Variants in MTERF4 observed in about 807,000 individuals in gnomAD.
The protein encoded by MTERF4 is mitochondrial transcription termination factor 4, also known as transcription termination factor 4, mitochondrial.
A neutral mutation model predicts 22.5 loss-of-function variants in MTERF4; 17 were observed. The ratio of observed to expected loss-of-function variants is 0.75; its 90% CI spans 0.52 to 1.13. The LOEUF (loss-of-function observed/expected upper bound fraction) is 1.13, where lower values mean the gene tolerates loss of function less well. Among genes scored for constraint, MTERF4 ranks in the 50% most tolerant of loss-of-function variants. MTERF4 has a pLI of 0.00. For missense variants in MTERF4, 420 were observed against 466.8 expected (o/e 0.90, Z 0.92); for synonymous variants, 165 against 175.3 (o/e 0.94, Z 0.47).
intron 4 of MTERF4, among the ~76,000 whole-genome samples, chr2:241,076,279 GTC>G (rs1205790651): frequency 6.6e-6 from 1 of 152,182 alleles, no homozygotes; most frequent in Non-Finnish European, 1.5e-5. Flanking sequence ...GACATGGGAT[GTC>G]TCTCCATATA....
downstream of MTERF4, chr2:241,071,540 C>T (rs2062717356): frequency 6.4e-7 from 1 of 1,562,608 alleles, no homozygotes; most frequent in African/African-American, 1.3e-5. Context: ...CAGAGGGCAG[C>T]CCCAGACCAG....
At chr2:241,069,667 AGGGCCTG>A (rs536658985), downstream of MTERF4, among the ~76,000 whole-genome samples, 198 of 152,204 alleles carry the variant, frequency 1.3e-3, 1 homozygote, top group African/African-American at 4.8e-3. The surrounding 1 kb of genome is among the most constrained non-coding windows in gnomAD (Gnocchi z 4.9). Flanking sequence ...CTGACGGGCC[AGGGCCTG>A]GGGGCTTCAC....
chr2:241,097,093 A>G, intron 3 of MTERF4, 150 bp downstream of exon 3: 1 of 870,168 alleles, frequency 1.1e-6, no homozygotes. Flanking sequence ...TTATCCATAT[A>G]ACTGACCTTC....
intron 4 of MTERF4, among the ~76,000 whole-genome samples, chr2:241,080,121 C>G (rs1320300587): frequency 6.6e-6 from 1 of 152,000 alleles, no homozygotes; most frequent in East Asian, 1.9e-4. Flanking sequence ...CCCGTCTCTA[C>G]TAAAATACAA....
At chr2:241,065,276 T>A in the MTERF4 span, 1 of 1,611,434 alleles carries the variant, frequency 6.2e-7, no homozygotes, top group Admixed American at 1.7e-5. Context: ...TCCCCTCCCC[T>A]TGTTTTGACC....
downstream of MTERF4, chr2:241,090,441 G>A (rs749283140): frequency 3.8e-5 from 58 of 1,541,722 alleles, no homozygotes; most frequent in Non-Finnish European, 5.1e-5. Flanking sequence ...TAAGTAGAAG[G>A]AGTACACTCT....
At chr2:241,070,260 T>C, downstream of MTERF4, 2 of 1,516,814 alleles carry the variant, frequency 1.3e-6, no homozygotes, top group Non-Finnish European at 1.8e-6. Flanking sequence ...CTCCACCCTG[T>C]TCAGGACTGA....
At chr2:241,100,985 A>G (rs965094219) in intron 1 of MTERF4, among the ~76,000 whole-genome samples, 3 of 152,222 alleles carry the variant, frequency 2.0e-5, no homozygotes, top group African/African-American at 7.2e-5. Flanking sequence ...CAAATCATCC[A>G]GGCACTCTAA....
downstream of MTERF4, chr2:241,090,430 A>C (rs1413785680): frequency 8.4e-6 from 13 of 1,547,094 alleles, no homozygotes; most frequent in South Asian, 1.1e-4. Context: ...ACTTTTTTTC[A>C]TAAGTAGAAG....
At chr2:241,086,908 G>A (rs1413239122), downstream of MTERF4, among the ~76,000 whole-genome samples, 1 of 152,246 alleles carries the variant, frequency 6.6e-6, no homozygotes, top group Non-Finnish European at 1.5e-5. Flanking sequence ...CTTGCTCAAA[G>A]TAGCCTGGTT....
Position 241,096,430 on chromosome 2 carries a change from G to A in MTERF4, c.714C>T (p.Tyr238=). ...CTGGATGCTTAATTCCCATCCTGAA[G>A]TATGCATACTGGAAGACACAAACAC... ...GQLEYKFQYA[Y]FRMGIKHPDI... The change falls in exon 4 of 4, where the codon TAC becomes TAT. Residue 238 remains tyrosine, a synonymous_variant. Transcript: ENST00000391980. The surrounding 1 kb of genome is among the most constrained non-coding windows in gnomAD (Gnocchi z 5.1). 1 of 1,613,826 alleles carries A rather than the reference G, an allele frequency of 6.2e-7. No homozygotes were observed. The highest frequency in any genetic ancestry group is 8.5e-7 in the Non-Finnish European group (1 of 1,179,948).
chr2:241,084,595 T>C (rs2063493587), downstream of MTERF4, among the ~76,000 whole-genome samples: 1 of 152,246 alleles, frequency 6.6e-6, no homozygotes, highest in Admixed American at 6.5e-5. Flanking sequence ...TATCAGACTT[T>C]TTCCTTCCAC....
chr2:241,060,414 C>T, the MTERF4 span, among the ~76,000 whole-genome samples: 3 of 152,300 alleles, frequency 2.0e-5, no homozygotes, highest in Admixed American at 2.0e-4. Flanking sequence ...AACTCCTGAC[C>T]TCTGGTGATC....
intron 1 of MTERF4, among the ~76,000 whole-genome samples, chr2:241,100,440 T>C (rs775305476): frequency 3.9e-5 from 6 of 152,162 alleles, no homozygotes; most frequent in Non-Finnish European, 7.4e-5. Context: ...TCTTAATGAA[T>C]AGTAAATACA....
At chr2:241,071,713 C>T (rs1481908241), downstream of MTERF4, 16 of 1,493,844 alleles carry the variant, frequency 1.1e-5, no homozygotes, top group Middle Eastern at 2.2e-4. Context: ...CCCCACCCAG[C>T]CCCCCAGGTA....
the MTERF4 span, chr2:241,049,809 G>T: frequency 3.9e-5 from 62 of 1,606,816 alleles, no homozygotes; most frequent in Non-Finnish European, 5.1e-5. Flanking sequence ...TCTGTCCCCC[G>T]CCCCCAGCCC....
chr2:241,044,266 T>C, the MTERF4 span, among the ~76,000 whole-genome samples: 3,787 of 152,302 alleles, frequency 0.025, 74 homozygotes, highest in Non-Finnish European at 0.042. Flanking sequence ...GATTGTCAAA[T>C]TGAATTGAAA....
chr2:241,073,612 TAG>T lies in MTERF4; in HGVS notation n.2548_2549del, dbSNP rs775780600. 36 of 545,704 alleles carry T rather than the reference TAG, an allele frequency of 6.6e-5. No homozygotes were observed. Among genetic ancestry groups the T allele is most frequent in the Non-Finnish European group, 4.9e-5 (15 of 305,804 alleles). 33.8% of individuals were successfully genotyped at this position (545,704 alleles called of 1,614,324 possible). A position where few individuals can be genotyped will look rare whatever the true frequency, so the allele number is the denominator to read the frequency against. On this transcript the variant is annotated non_coding_transcript_exon_variant, in exon 5 of 5. Transcript: ENST00000464344. The surrounding 1 kb of genome is among the most constrained non-coding windows in gnomAD (Gnocchi z 6.6). ...CACCCAAACCACCCAGAGTCTGAGCTAGAGAGACTGGCTTTGATGCTGCCTCC... is the reference window on the plus strand; with the variant it reads ...CACCCAAACCACCCAGAGTCTGAGCTAGAGACTGGCTTTGATGCTGCCTCC...
chr2:241,089,784 C>T (rs528032674), downstream of MTERF4, among the ~76,000 whole-genome samples: 18 of 152,376 alleles, frequency 1.2e-4, no homozygotes, highest in South Asian at 4.1e-4. Context: ...AACATCATAG[C>T]GCATACTTAG....
Sources: allele counts gnomAD v4.1 joint callset (sites outside exome capture counted in the v4.1 genomes callset), GRCh38; gene constraint gnomAD v4.1.1; non-coding constraint Gnocchi (gnomAD v3.1); transcripts MANE v1.5; gene names NCBI Gene and HGNC (gene_info 2026-07-23, HGNC 2026-07-21).